DPM1: variants seen among roughly 807,000 people sequenced by gnomAD.
The protein encoded by DPM1 is dolichyl-phosphate mannosyltransferase subunit 1, catalytic, also known as dolichol-phosphate mannosyltransferase subunit 1.
A neutral mutation model predicts 39.0 loss-of-function variants in DPM1; 27 were observed. The ratio of observed to expected loss-of-function variants is 0.69; its 90% CI spans 0.51 to 0.95. The LOEUF is 0.95. Among genes scored for constraint, DPM1 ranks in the 40% least tolerant of loss-of-function variants. DPM1 has a pLI of 0.00. For missense variants in DPM1, 307 were observed against 315.6 expected, an observed-to-expected ratio of 0.97 and a Z score of 0.21; for synonymous variants, 124 against 109.0, an observed-to-expected ratio of 1.14 and a Z score of -0.86.
At chr20:50,952,603 G>C (rs1986635320) in intron 2 of DPM1, among the ~76,000 whole-genome samples, 2 of 152,156 alleles carry the variant, frequency 1.3e-5, no homozygotes, top group African/African-American at 4.8e-5. Flanking sequence ...ACTTATCAGT[G>C]AGGCTCAGTA....
chr20:50,944,577 A>G (rs941026369), intron 5 of DPM1: 3 of 152,230 alleles, frequency 2.0e-5, no homozygotes, highest in African/African-American at 7.2e-5. Flanking sequence ...AGGGGCCAAC[A>G]AACACATAGG....
chr20:50,943,606 G>A (rs1352445272), intron 5 of DPM1, among the ~76,000 whole-genome samples: 5 of 151,996 alleles, frequency 3.3e-5, no homozygotes, highest in Admixed American at 1.3e-4. Flanking sequence ...TGATCCGCCC[G>A]CCTCAGCCTC....
chr20:50,954,432 A>G (rs1259892273), intron 2 of DPM1, among the ~76,000 whole-genome samples: 1 of 152,220 alleles, frequency 6.6e-6, no homozygotes, highest in Non-Finnish European at 1.5e-5. Flanking sequence ...GTAAAGAATT[A>G]ATCTGTCCAC....
At chr20:50,951,431 C>T (rs1418327451) in intron 2 of DPM1, among the ~76,000 whole-genome samples, 1 of 152,064 alleles carries the variant, frequency 6.6e-6, no homozygotes, top group Non-Finnish European at 1.5e-5. Context: ...CATATATGCA[C>T]AAAAAAACGC....
At chr20:50,948,156 C>T (rs181827395) in intron 3 of DPM1, among the ~76,000 whole-genome samples, 35 of 152,262 alleles carry the variant, frequency 2.3e-4, no homozygotes, top group African/African-American at 8.2e-4. Context: ...CTAAGTGGTC[C>T]TCCCTCTGTT....
At chr20:50,946,614 G>A (rs1444608356) in intron 3 of DPM1, among the ~76,000 whole-genome samples, 1 of 152,222 alleles carries the variant, frequency 6.6e-6, no homozygotes, top group South Asian at 2.1e-4. Context: ...CAAAGGCCTA[G>A]GTGACAATTA....
chr20:50,940,253 A>G (rs1241431419), intron 7 of DPM1, among the ~76,000 whole-genome samples: 1 of 152,132 alleles, frequency 6.6e-6, no homozygotes, highest in African/African-American at 2.4e-5. Context: ...CTTGGGGGTC[A>G]CTAAAGTAGA....
At chr20:50,957,315 C>T (rs1012720200) in intron 1 of DPM1, among the ~76,000 whole-genome samples, 1 of 152,148 alleles carries the variant, frequency 6.6e-6, no homozygotes, top group Non-Finnish European at 1.5e-5. Context: ...ACTTGTACAA[C>T]CTTTTTTTTC....
chr20:50,935,231 T>G lies in DPM1; in HGVS notation c.684A>C (p.Pro228=), dbSNP rs369538517. The G allele has an allele frequency of 6.3e-7, 1 of 1,578,484 alleles. No individual in the cohort carries two copies. Among genetic ancestry groups the G allele is most frequent in the Admixed American group, 1.7e-5 (1 of 58,160 alleles). ...RQLNYTIGEV[P]ISFVDRVYGE... is the part of the protein sequence containing the mutation. Reference sequence around the variant, plus strand: ...CATAAACACGATCCACAAATGATATTGGAACCTAGTTTAAAAAAAAAAAAG... The same window carrying G: ...CATAAACACGATCCACAAATGATATGGGAACCTAGTTTAAAAAAAAAAAAG... The change falls in exon 9 of 9, where the codon CCA becomes CCC. Residue 228 remains proline (P), a synonymous_variant. Transcript: ENST00000371588.
chr20:50,956,055 C>A (rs189595191), intron 1 of DPM1, among the ~76,000 whole-genome samples: 2 of 152,056 alleles, frequency 1.3e-5, no homozygotes, highest in Admixed American at 6.5e-5. Context: ...TTTAAAAAAA[C>A]CGATTTTAGA....
At chr20:50,950,190 T>G (rs1986503819) in intron 2 of DPM1, among the ~76,000 whole-genome samples, 1 of 152,232 alleles carries the variant, frequency 6.6e-6, no homozygotes, top group Non-Finnish European at 1.5e-5. Flanking sequence ...ACAGGCTATT[T>G]TAAGCTGATA....
rs749718528 is a variant in DPM1, at chr20:50,936,139, G to C, written c.678+9C>G. ...GAACATGACACACTATTTAGCATCA[G>C]TTGCATACCTCGCCAATAGTATAAT... On this transcript the variant is annotated intron_variant, in intron 8 of 8. Coordinates refer to ENST00000371588, the MANE Select transcript of DPM1 (RefSeq NM_003859.3). 1 of 1,581,944 alleles carries C rather than the reference G, an allele frequency of 6.3e-7. No homozygotes were observed. The highest frequency in any genetic ancestry group is 8.7e-7 in the Non-Finnish European group (1 of 1,150,864).
chr20:50,950,081 A>C (rs1986498797), intron 2 of DPM1, among the ~76,000 whole-genome samples: 1 of 151,968 alleles, frequency 6.6e-6, no homozygotes, highest in South Asian at 2.1e-4. Flanking sequence ...CTTCTGTACT[A>C]TTATGCTTTG....
At chr20:50,944,533 G>GA (rs1986141233) in intron 5 of DPM1, 1 of 152,434 alleles carries the variant, frequency 6.6e-6, no homozygotes, top group Middle Eastern at 3.4e-3. Context: ...AAGCAAAAAG[G>GA]AAGGAGCACA....
chr20:50,937,110 T>C (rs1278307137), intron 7 of DPM1, among the ~76,000 whole-genome samples: 3 of 152,042 alleles, frequency 2.0e-5, no homozygotes, highest in Non-Finnish European at 4.4e-5. Flanking sequence ...CTACCTTTTT[T>C]TGTGGGGAGA....
intron 7 of DPM1, among the ~76,000 whole-genome samples, chr20:50,936,703 T>G (rs1178125120): frequency 6.6e-6 from 1 of 152,224 alleles, no homozygotes; most frequent in Non-Finnish European, 1.5e-5. Flanking sequence ...TAATTCACAG[T>G]CATTTTCCAA....
chr20:50,942,113 C>T lies in DPM1; in HGVS notation c.412G>A (p.Gly138Ser). ...GTTCCAGAGACAATATCAAAATTAC[C>T]CTCCTTTTGCTTCCTGTAGAATAAA... ...IPEFIRKQKE[G>S]NFDIVSGTRY... is the part of the protein sequence containing the mutation. Residue 138 changes from glycine to serine, a missense_variant, in exon 6 of 9, where the codon GGT (glycine) becomes AGT (serine). Coordinates refer to ENST00000371588, the MANE Select transcript of DPM1 (RefSeq NM_003859.3). 1.2e-6 allele frequency: 2 copies of T among 1,613,838 alleles called. No homozygotes were observed. The highest frequency in any genetic ancestry group is 1.7e-6 in the Non-Finnish European group (2 of 1,179,878).
intron 1 of DPM1, 127 bp from the exon 2 acceptor site, chr20:50,955,412 T>G (rs560852922): frequency 1.4e-6 from 1 of 704,850 alleles, no homozygotes; most frequent in Admixed American, 2.4e-5. Flanking sequence ...TGAGGAAAAC[T>G]TCAATTATCA....
chr20:50,941,362 T>C (rs1412316201), intron 6 of DPM1, among the ~76,000 whole-genome samples: 1 of 133,026 alleles, frequency 7.5e-6, no homozygotes, highest in East Asian at 2.0e-4. Context: ...TTCATATACA[T>C]ATATATTCAT....
Sources: allele counts gnomAD v4.1 joint callset (sites outside exome capture counted in the v4.1 genomes callset), GRCh38; gene constraint gnomAD v4.1.1; transcripts MANE v1.5; gene names NCBI Gene and HGNC (gene_info 2026-07-23, HGNC 2026-07-21).